The following ABCC4 variants were observed in gnomAD, a reference collection of about 807,000 sequenced individuals.
ABCC4 encodes ATP binding cassette subfamily C member 4 (PEL blood group).
ABCC4 carries 102 observed loss-of-function variants against 168.5 expected under a neutral mutation model. The ratio of observed to expected loss-of-function variants is 0.61; its 90% CI spans 0.52 to 0.71. The LOEUF (loss-of-function observed/expected upper bound fraction) is 0.71, where lower values mean the gene tolerates loss of function less well. Among genes scored for constraint, ABCC4 ranks in the 30% least tolerant of loss-of-function variants. ABCC4 has a pLI of 0.00. For missense variants in ABCC4, 1,402 were observed against 1,605.8 expected (o/e 0.87, Z 2.17); for synonymous variants, 617 against 590.7 (o/e 1.04, Z -0.65).
At chr13:95,093,522 C>T (rs189867903) in intron 20 of ABCC4, among the ~76,000 whole-genome samples, 65 of 152,120 alleles carry the variant, frequency 4.3e-4, no homozygotes, top group African/African-American at 1.2e-3. Flanking sequence ...TCAGCAAAAT[C>T]GGCATACAAG....
intron 1 of ABCC4, among the ~76,000 whole-genome samples, chr13:95,279,354 G>C (rs1358594948): frequency 6.6e-6 from 1 of 152,204 alleles, no homozygotes; most frequent in Non-Finnish European, 1.5e-5. Flanking sequence ...GTATTGCTTT[G>C]AGCATCAAAT....
chr13:95,034,213 C>A (rs539600982), intron 30 of ABCC4, among the ~76,000 whole-genome samples: 1 of 152,284 alleles, frequency 6.6e-6, no homozygotes, highest in Middle Eastern at 3.4e-3. Context: ...CTGTATGTAC[C>A]TCAACAGCAT....
chr13:95,125,446 T>C (rs2035725075), intron 19 of ABCC4, among the ~76,000 whole-genome samples: 1 of 152,164 alleles, frequency 6.6e-6, no homozygotes, highest in Non-Finnish European at 1.5e-5. Flanking sequence ...TGGCTAATCA[T>C]AATTAAAGTA....
chr13:95,162,044 A>G (rs1173620548), intron 18 of ABCC4, among the ~76,000 whole-genome samples: 3 of 152,212 alleles, frequency 2.0e-5, no homozygotes, highest in African/African-American at 4.8e-5. Context: ...CTCTTCATTC[A>G]CAATGCTAAA....
intron 26 of ABCC4, among the ~76,000 whole-genome samples, chr13:95,057,681 A>T (rs1449539048): frequency 6.6e-6 from 1 of 152,248 alleles, no homozygotes; most frequent in Non-Finnish European, 1.5e-5. Flanking sequence ...AGAGTGACAG[A>T]GGACCCTGAA....
intron 19 of ABCC4, among the ~76,000 whole-genome samples, chr13:95,151,208 G>C (rs966836098): frequency 6.6e-6 from 1 of 152,134 alleles, no homozygotes; most frequent in Non-Finnish European, 1.5e-5. Context: ...TTGGTCTAGT[G>C]TGGTGGCTCA....
chr13:95,163,320 A>G (rs2037159796), intron 17 of ABCC4, 104 bp from the exon 18 acceptor site: 1 of 786,940 alleles, frequency 1.3e-6, no homozygotes, highest in South Asian at 1.7e-5. Context: ...TTCATGCTGG[A>G]AAATGATTCT....
chr13:95,231,311 TAAG>T (rs2039615383), intron 4 of ABCC4, among the ~76,000 whole-genome samples: 1 of 152,138 alleles, frequency 6.6e-6, no homozygotes. Context: ...TTTATTACAA[TAAG>T]AAGAAAAATT....
intron 13 of ABCC4, among the ~76,000 whole-genome samples, chr13:95,176,864 T>G (rs183454260): frequency 1.4e-4 from 21 of 152,278 alleles, no homozygotes; most frequent in Non-Finnish European, 2.6e-4. Context: ...CACAATGCTT[T>G]CAAAAAGGCC....
rs116532450 is a variant in ABCC4, at chr13:95,165,864, A to C, written c.2034+294T>G. On this transcript the variant is annotated intron_variant, in intron 15 of 30. Transcript: ENST00000645237. ...AGACTAAGTAGGATTTCACTACAGT[A>C]AATTCAAGAATTGTAGTATTAGTGT... is the stretch of plus-strand genomic sequence containing the variant. Among the ~76,000 whole-genome samples the C allele has an allele frequency of 7.2e-3, 1,098 of 152,342 alleles. 13 individuals carry two copies. Among genetic ancestry groups the C allele is most frequent in the African/African-American group, 0.025 (1,046 of 41,582 alleles).
intron 1 of ABCC4, among the ~76,000 whole-genome samples, chr13:95,272,780 C>T (rs570268813): frequency 1.6e-5 from 2 of 127,754 alleles, no homozygotes; most frequent in African/African-American, 7.5e-5. Context: ...CCCCGCTACT[C>T]GAGAGGCTGA....
intron 20 of ABCC4, among the ~76,000 whole-genome samples, chr13:95,110,532 T>C (rs1260455396): frequency 6.6e-6 from 1 of 152,274 alleles, no homozygotes; most frequent in East Asian, 1.9e-4. Context: ...AAATCATTAA[T>C]ATTAAATTTC....
At chr13:95,247,918 G>GCACACACACACACACACACACA (rs34133084) in intron 1 of ABCC4, among the ~76,000 whole-genome samples, 165 bp from the exon 2 acceptor site, 2,806 of 142,584 alleles carry the variant, frequency 0.02, 71 homozygotes, top group African/African-American at 0.046. Flanking sequence ...GTTAACATGT[G>GCACACACACACACACACACACA]CACACACACA....
chr13:95,117,705 A>T (rs2035427276), intron 19 of ABCC4, among the ~76,000 whole-genome samples: 1 of 151,620 alleles, frequency 6.6e-6, no homozygotes. Flanking sequence ...TAAGTGGAAA[A>T]GTTAACATAG....
At chr13:95,076,959 C>T (rs1732691684) in intron 21 of ABCC4, among the ~76,000 whole-genome samples, 1 of 151,712 alleles carries the variant, frequency 6.6e-6, no homozygotes, top group Non-Finnish European at 1.5e-5. Flanking sequence ...GAGGGTCCTC[C>T]TCCTGCCTTG....
At chr13:95,281,501 A>G (rs1349431087) in intron 1 of ABCC4, among the ~76,000 whole-genome samples, 3 of 152,124 alleles carry the variant, frequency 2.0e-5, no homozygotes, top group Non-Finnish European at 2.9e-5. Flanking sequence ...GACCTCCCAG[A>G]CTGCTTGTCT....
chr13:95,153,526 A>C (rs1440049290), intron 19 of ABCC4, among the ~76,000 whole-genome samples: 1 of 152,206 alleles, frequency 6.6e-6, no homozygotes, highest in Non-Finnish European at 1.5e-5. Flanking sequence ...CATTATATAC[A>C]CTATAGGAAA....
At chr13:95,124,525 C>T (rs143654401) in intron 19 of ABCC4, among the ~76,000 whole-genome samples, 11 of 147,738 alleles carry the variant, frequency 7.4e-5, no homozygotes, top group African/African-American at 2.8e-4. Context: ...CTAATGCACT[C>T]CAGACTGGGC....
At chr13:95,086,043 T>C in intron 20 of ABCC4, among the ~76,000 whole-genome samples, 1 of 152,032 alleles carries the variant, frequency 6.6e-6, no homozygotes, top group Middle Eastern at 3.4e-3. Flanking sequence ...TATATCTGTA[T>C]TTTTTATATT....
Sources: gnomAD v4.1 joint callset for allele counts (sites outside exome capture counted in the v4.1 genomes callset) on GRCh38, gnomAD v4.1.1 for gene constraint, MANE v1.5 for transcripts, NCBI Gene and HGNC (gene_info 2026-07-23, HGNC 2026-07-21) for gene names.